Variants in PPARGC1A observed in about 807,000 individuals in gnomAD.
The protein encoded by PPARGC1A is PPARG coactivator 1 alpha, also known as peroxisome proliferator-activated receptor gamma coactivator 1-alpha.
In PPARGC1A, 25 loss-of-function variants were observed where a neutral mutation model predicts 88.7. The observed-to-expected ratio is 0.28, with a 90% CI of 0.21 to 0.39. The LOEUF (loss-of-function observed/expected upper bound fraction) is 0.39, where lower values mean the gene tolerates loss of function less well. PPARGC1A is among the 10% of genes least tolerant of loss of function. The probability of loss-of-function intolerance (pLI) is 1.00; values close to 1 mark genes in which losing one functional copy is unlikely to be tolerated. For synonymous variants in PPARGC1A, 363 were observed against 355.6 expected (o/e 1.02, Z -0.24); for missense variants, 880 against 968.7 (o/e 0.91, Z 1.22).
the PPARGC1A span, among the ~76,000 whole-genome samples, chr4:24,029,044 A>T: frequency 6.6e-6 from 1 of 152,230 alleles, no homozygotes; most frequent in South Asian, 2.1e-4. Context: ...TACATGTTAT[A>T]CATAACCTCA....
At chr4:23,939,334 C>T in the PPARGC1A span, among the ~76,000 whole-genome samples, 1 of 151,920 alleles carries the variant, frequency 6.6e-6, no homozygotes, top group East Asian at 1.9e-4. Context: ...ATGGCTCAGC[C>T]CAAATTAAAG....
Position 23,866,768 on chromosome 4 carries a change from C to CT in PPARGC1A, c.234+17983dup, listed in dbSNP as rs1039003340. 1.8e-3 allele frequency among the ~76,000 whole-genome samples: 260 copies of CT among 148,082 alleles called. 1 individual carries two copies. The highest frequency in any genetic ancestry group is 5.0e-3 in the African/African-American group (201 of 40,362). ...GTTTCCATTTTGGGTCATTTCAGAG[C>CT]TTTTTTTTTTAGCTTGGCTTGCTGT... On this transcript the variant is annotated intron_variant, in intron 2 of 12. Transcript: ENST00000264867.
At chr4:24,405,088 G>C in the PPARGC1A span, among the ~76,000 whole-genome samples, 1 of 151,972 alleles carries the variant, frequency 6.6e-6, no homozygotes, top group Non-Finnish European at 1.5e-5. Context: ...AATAAAATAA[G>C]TTATTCAAAA....
the PPARGC1A span, among the ~76,000 whole-genome samples, chr4:24,303,446 TC>T: frequency 6.6e-6 from 1 of 152,180 alleles, no homozygotes; most frequent in African/African-American, 2.4e-5. Flanking sequence ...ATTGGGGCCA[TC>T]ACACTCCCAT....
intron 12 of PPARGC1A, among the ~76,000 whole-genome samples, chr4:23,796,261 G>A (rs879259457): frequency 2.0e-5 from 3 of 152,086 alleles, no homozygotes; most frequent in African/African-American, 4.8e-5. Context: ...AGATGTAGAC[G>A]TGAGAGTACA....
At chr4:23,820,831 A>G (rs1269563562) in intron 7 of PPARGC1A, among the ~76,000 whole-genome samples, 1 of 152,042 alleles carries the variant, frequency 6.6e-6, no homozygotes, top group East Asian at 1.9e-4. Flanking sequence ...TTACATTTCC[A>G]CTTAAACATT....
intron 7 of PPARGC1A, among the ~76,000 whole-genome samples, chr4:23,818,641 C>T (rs899720186): frequency 6.6e-6 from 1 of 151,876 alleles, no homozygotes; most frequent in African/African-American, 2.4e-5. Context: ...GTGGTACATA[C>T]TCTACAGTCA....
chr4:24,098,365 G>T, the PPARGC1A span, among the ~76,000 whole-genome samples: 2 of 152,262 alleles, frequency 1.3e-5, no homozygotes, highest in Non-Finnish European at 2.9e-5. Flanking sequence ...TTAAGCAAAA[G>T]TCAAATGTTT....
At chr4:23,997,934 G>A in the PPARGC1A span, among the ~76,000 whole-genome samples, 57 of 152,088 alleles carry the variant, frequency 3.7e-4, no homozygotes, top group African/African-American at 1.1e-3. Flanking sequence ...TCTCTTTATC[G>A]TTCCCTGGAG....
chr4:23,941,199 G>A, the PPARGC1A span, among the ~76,000 whole-genome samples: 6 of 152,072 alleles, frequency 3.9e-5, no homozygotes, highest in African/African-American at 1.4e-4. Context: ...CTATAGGCGT[G>A]CAGCACAACA....
chr4:24,254,614 G>A, the PPARGC1A span, among the ~76,000 whole-genome samples: 1 of 152,272 alleles, frequency 6.6e-6, no homozygotes, highest in African/African-American at 2.4e-5. Flanking sequence ...TAACCTGAAA[G>A]GGAGGTGTTT....
At chr4:23,973,816 TAAAAC>T in the PPARGC1A span, among the ~76,000 whole-genome samples, 1 of 152,032 alleles carries the variant, frequency 6.6e-6, no homozygotes, top group Non-Finnish European at 1.5e-5. Context: ...CTAATAACCA[TAAAAC>T]AAAACAAATG....
the PPARGC1A span, among the ~76,000 whole-genome samples, chr4:24,147,633 C>A: frequency 6.6e-6 from 1 of 152,098 alleles, no homozygotes; most frequent in Non-Finnish European, 1.5e-5. Context: ...GGCCAATTAG[C>A]TCAAATTCTT....
chr4:24,152,825 T>G, the PPARGC1A span, among the ~76,000 whole-genome samples: 1 of 152,206 alleles, frequency 6.6e-6, no homozygotes, highest in Non-Finnish European at 1.5e-5. Flanking sequence ...ACCCCAACTC[T>G]AGGTCTTAAA....
the PPARGC1A span, among the ~76,000 whole-genome samples, chr4:24,176,504 T>G: frequency 2.7e-5 from 4 of 147,272 alleles, no homozygotes; most frequent in African/African-American, 1.0e-4. Context: ...CAGAAGAGGG[T>G]CATGAAAATG....
the PPARGC1A span, among the ~76,000 whole-genome samples, chr4:24,403,518 A>C: frequency 6.6e-6 from 1 of 152,234 alleles, no homozygotes; most frequent in Non-Finnish European, 1.5e-5. Context: ...CCAGCACAGC[A>C]TTCCACCCAG....
At chr4:24,229,179 A>G in the PPARGC1A span, among the ~76,000 whole-genome samples, 16 of 22,552 alleles carry the variant, frequency 7.1e-4, no homozygotes, top group South Asian at 0.023. Context: ...TTTGAGATGG[A>G]GTCTTGTTCT....
chr4:23,976,382 G>A, the PPARGC1A span, among the ~76,000 whole-genome samples: 1 of 152,182 alleles, frequency 6.6e-6, no homozygotes, highest in South Asian at 2.1e-4. Flanking sequence ...GGGGATGGGG[G>A]TGTTAACACC....
At chr4:23,895,163 A>C (rs1276182709) in intron 1 of PPARGC1A, among the ~76,000 whole-genome samples, 1 of 151,102 alleles carries the variant, frequency 6.6e-6, no homozygotes, top group Non-Finnish European at 1.5e-5. Flanking sequence ...TTAACTGAAA[A>C]AAAAAAAAAA....
Sources: allele counts gnomAD v4.1 joint callset (sites outside exome capture counted in the v4.1 genomes callset), GRCh38; gene constraint gnomAD v4.1.1; transcripts MANE v1.5; gene names NCBI Gene and HGNC (gene_info 2026-07-23, HGNC 2026-07-21).